FAM184B: variants seen among roughly 807,000 people sequenced by gnomAD.
FAM184B encodes the protein protein FAM184B.
In FAM184B, 111 loss-of-function variants were observed where a neutral mutation model predicts 135.9. The ratio of observed to expected loss-of-function variants is 0.82; its 90% confidence interval spans 0.70 to 0.96. The LOEUF is 0.96. Among genes scored for constraint, FAM184B ranks in the 40% least tolerant of loss-of-function variants. The pLI is 0.00. For synonymous variants in FAM184B, 552 were observed against 524.8 expected, an observed-to-expected ratio of 1.05 and a Z score of -0.71; for missense variants, 1,375 against 1,323.9, an observed-to-expected ratio of 1.04 and a Z score of -0.60.
At chr4:17,738,571 C>A (rs983670751) in intron 1 of FAM184B, among the ~76,000 whole-genome samples, 1 of 151,836 alleles carries the variant, frequency 6.6e-6, no homozygotes, top group Non-Finnish European at 1.5e-5. Flanking sequence ...CAAGGAGGAC[C>A]AATAATTTGC....
intron 7 of FAM184B, among the ~76,000 whole-genome samples, chr4:17,678,916 C>T (rs1334336195): frequency 1.3e-5 from 2 of 152,008 alleles, no homozygotes; most frequent in Non-Finnish European, 2.9e-5. Context: ...AAACAAAAAA[C>T]ATAAAGTGGG....
At chr4:17,775,789 A>G (rs1189256186) in intron 1 of FAM184B, among the ~76,000 whole-genome samples, 1 of 152,192 alleles carries the variant, frequency 6.6e-6, no homozygotes, top group African/African-American at 2.4e-5. Flanking sequence ...AGTGGGAACT[A>G]AATAATGTGT....
intron 11 of FAM184B, among the ~76,000 whole-genome samples, chr4:17,649,827 C>A (rs1715561760): frequency 6.6e-6 from 1 of 150,976 alleles, no homozygotes. Flanking sequence ...CTTCTATCCA[C>A]CTGTCCATCC....
chr4:17,652,129 C>T (rs200523930), intron 11 of FAM184B, among the ~76,000 whole-genome samples: 11 of 81,444 alleles, frequency 1.4e-4, no homozygotes, highest in African/African-American at 3.2e-4. Context: ...TATTTAATAT[C>T]TTTTTTTTTT....
At chr4:17,689,782 C>T (rs757519796) in intron 6 of FAM184B, among the ~76,000 whole-genome samples, 1 of 152,140 alleles carries the variant, frequency 6.6e-6, no homozygotes, top group Non-Finnish European at 1.5e-5. Flanking sequence ...TACACCCAGC[C>T]AGGAACCTCT....
intron 7 of FAM184B, among the ~76,000 whole-genome samples, chr4:17,675,429 T>C (rs1716290746): frequency 6.6e-6 from 1 of 152,206 alleles, no homozygotes; most frequent in Non-Finnish European, 1.5e-5. Flanking sequence ...GCTCTACTTA[T>C]AAAGCACAAG....
chr4:17,639,862 C>G (rs1251975866), intron 13 of FAM184B, among the ~76,000 whole-genome samples: 2 of 150,930 alleles, frequency 1.3e-5, no homozygotes, highest in African/African-American at 2.4e-5. Flanking sequence ...GAGTCTTGCT[C>G]TTGTTGCTCA....
intron 11 of FAM184B, among the ~76,000 whole-genome samples, chr4:17,648,355 A>ATT (rs113298578): frequency 6.7e-6 from 1 of 149,810 alleles, no homozygotes; most frequent in South Asian, 2.1e-4. Flanking sequence ...ACTCTTTTTT[A>ATT]TTTTTTTTTG....
At chr4:17,767,432 A>G (rs1358072201) in intron 1 of FAM184B, among the ~76,000 whole-genome samples, 1 of 152,262 alleles carries the variant, frequency 6.6e-6, no homozygotes, top group East Asian at 1.9e-4. Context: ...GGAAAAACTC[A>G]ATAAAGGCAA....
At chr4:17,720,883 TA>T (rs59409749) in intron 1 of FAM184B, among the ~76,000 whole-genome samples, 80,941 of 100,122 alleles carry the variant, frequency 0.81, 32,409 homozygotes, top group East Asian at 0.94. Flanking sequence ...AGACTTCATC[TA>T]AAAAAAAAAA....
At chr4:17,696,272 C>A (rs1022999237) in intron 5 of FAM184B, among the ~76,000 whole-genome samples, 7 of 152,218 alleles carry the variant, frequency 4.6e-5, no homozygotes, top group Admixed American at 6.5e-5. Flanking sequence ...GTTGACTGTG[C>A]TTCTTCCCTG....
chr4:17,655,366 A>G (rs1164721454), intron 10 of FAM184B, among the ~76,000 whole-genome samples: 1 of 152,152 alleles, frequency 6.6e-6, no homozygotes, highest in African/African-American at 2.4e-5. Context: ...GTAAAGGTTC[A>G]GGTCAGCACT....
chr4:17,655,895 G>A (rs1324779832), intron 10 of FAM184B, among the ~76,000 whole-genome samples: 1 of 152,154 alleles, frequency 6.6e-6, no homozygotes, highest in Non-Finnish European at 1.5e-5. Context: ...CATCTCATAA[G>A]ATTCATACTA....
intron 1 of FAM184B, among the ~76,000 whole-genome samples, chr4:17,728,144 T>C (rs1435885980): frequency 1.3e-5 from 2 of 152,180 alleles, no homozygotes; most frequent in East Asian, 1.9e-4. Context: ...CCAGGAATTA[T>C]GGTCATAATG....
At chr4:17,658,912 G>A (rs1178440770) in intron 9 of FAM184B, among the ~76,000 whole-genome samples, 2 of 151,902 alleles carry the variant, frequency 1.3e-5, no homozygotes, top group African/African-American at 2.4e-5. Context: ...GCCCCATGTA[G>A]TACTACCTCC....
chr4:17,774,315 C>G (rs1414544310), intron 1 of FAM184B, among the ~76,000 whole-genome samples: 1 of 152,176 alleles, frequency 6.6e-6, no homozygotes, highest in East Asian at 1.9e-4. Flanking sequence ...TTGCAGTGAG[C>G]CCAGATTGTA....
chr4:17,750,447 A>G (rs1718267704), intron 1 of FAM184B, among the ~76,000 whole-genome samples: 1 of 152,198 alleles, frequency 6.6e-6, no homozygotes, highest in African/African-American at 2.4e-5. Context: ...CTTTTCATTC[A>G]TCCTGCTTCA....
At chr4:17,754,264 A>G (rs1718369655) in intron 1 of FAM184B, among the ~76,000 whole-genome samples, 1 of 152,010 alleles carries the variant, frequency 6.6e-6, no homozygotes, top group African/African-American at 2.4e-5. Context: ...AGAAGAAGAG[A>G]ATTTAGGCTG....
Position 17,746,592 on chromosome 4 carries a change from C to T in FAM184B, c.141+34567G>A, listed in dbSNP as rs138318643. Among the ~76,000 whole-genome samples the T allele has an allele frequency of 2.5e-3, 381 of 150,782 alleles. 8 individuals are homozygous for T. The East Asian group carries it at 0.063, about 25-fold the overall frequency. On this transcript the variant is annotated intron_variant, in intron 1 of 17. Coordinates refer to ENST00000265018, the MANE Select transcript of FAM184B (RefSeq NM_015688.2). ...CTAAAAATACAAAAAATTAGCCAGC[C>T]GTGGTGGCGGGTGCCTGAAGTCTCA...
Sources: allele counts gnomAD v4.1 joint callset (sites outside exome capture counted in the v4.1 genomes callset), GRCh38; gene constraint gnomAD v4.1.1; transcripts MANE v1.5; gene names NCBI Gene and HGNC (gene_info 2026-07-23, HGNC 2026-07-21).